MIGA2: variants seen among roughly 807,000 people sequenced by gnomAD.
MIGA2 encodes the protein family with sequence similarity 73, member B.
A neutral mutation model predicts 69.9 loss-of-function variants in MIGA2; 36 were observed. The ratio of observed to expected loss-of-function variants is 0.52; its 90% CI spans 0.39 to 0.68. The LOEUF (loss-of-function observed/expected upper bound fraction) is 0.68, where lower values mean the gene tolerates loss of function less well. Ranked by LOEUF, MIGA2 falls within the 30% of genes least tolerant of loss-of-function variation. The pLI is 0.00. For synonymous variants in MIGA2, 333 were observed against 349.2 expected (o/e 0.95, Z 0.52); for missense variants, 660 against 787.7 (o/e 0.84, Z 1.94).
chr9:129,069,545 T>G lies in MIGA2; in HGVS notation c.1459-304T>G. 1 of 520,096 alleles carries G rather than the reference T, an allele frequency of 1.9e-6. No individual in the cohort carries two copies. The highest frequency in any genetic ancestry group is 3.5e-6 in the Non-Finnish European group (1 of 286,328). The allele number at this position is 520,096 out of a possible 1,614,324, so 32.2% of individuals were successfully genotyped here. On this transcript the variant is annotated intron_variant, in intron 14 of 15. Transcript: ENST00000684074. This position sits in a 1 kb window ranked among gnomAD's most constrained non-coding sequence, Gnocchi z 4.9. ...GTGCTATCTGGCCTGTGGTTTGTCG[T>G]TCCCCTCTGCGGGCCAGGCTCTGTT...
At position 129,069,743 on chromosome 9, in the gene MIGA2, T is replaced by G; in HGVS notation, c.1459-106T>G. ...CAGGGTCATCTAGCAGGAAAGTACATGAGCTGGGGCGACCTCTAAAGCCCA... is the reference window on the plus strand; with the variant it reads ...CAGGGTCATCTAGCAGGAAAGTACAGGAGCTGGGGCGACCTCTAAAGCCCA... On this transcript the variant is annotated intron_variant, in intron 14 of 15. Transcript: ENST00000684074. The surrounding 1 kb of genome is among the most constrained non-coding windows in gnomAD (Gnocchi z 4.9). 1 of 806,274 alleles carries G rather than the reference T, an allele frequency of 1.2e-6. No homozygotes were observed. 49.9% of individuals were successfully genotyped at this position (806,274 alleles called of 1,614,324 possible).
chr9:129,070,138 A>T, intron 15 of MIGA2, 109 bp from the exon 16 acceptor site: 24 of 1,366,860 alleles, frequency 1.8e-5, no homozygotes, highest in Non-Finnish European at 2.5e-5. Context: ...CTGGGGATGG[A>T]AAGGACCGGC....
Position 129,040,560 on chromosome 9 carries a change from G to C in MIGA2, c.-35G>C, listed in dbSNP as rs778350989. 6.3e-7 allele frequency: 1 copy of C among 1,597,978 alleles called. No individual in the cohort carries two copies. The highest frequency in any genetic ancestry group is 1.1e-5 in the South Asian group (1 of 89,572). ...AAGACGTTCTCCTTGGAAGCTCTTGGCCCTGAGGACTTTGCCTGGGGCATT... is the reference window on the plus strand; with the variant it reads ...AAGACGTTCTCCTTGGAAGCTCTTGCCCCTGAGGACTTTGCCTGGGGCATT... On this transcript the variant is annotated 5_prime_UTR_variant, in exon 2 of 16. Coordinates refer to ENST00000684074, the MANE Select transcript of MIGA2 (RefSeq NM_001329990.2).
chr9:129,040,648 G>A lies in MIGA2; in HGVS notation c.54G>A (p.Thr18=), dbSNP rs746626918. ...GTSMIQALAM[T]VAEIPVFLYT... ...CTATGATCCAGGCCCTGGCCATGAC[G>A]GTGGCCGAGATCCCCGTGTTCCTGT... Residue 18 remains threonine, a synonymous_variant, in exon 2 of 16, where the codon ACG becomes ACA. Transcript: ENST00000684074. The A allele has an allele frequency of 1.0e-4, 166 of 1,613,786 alleles. No homozygotes were observed. The highest frequency in any genetic ancestry group is 2.1e-4 in the South Asian group (19 of 91,048).
rs763756142 is a variant in MIGA2, at chr9:129,042,465, G to A, written c.258G>A (p.Thr86=). The change falls in exon 3 of 16, where the codon ACG becomes ACA. Residue 86 remains threonine (T), a synonymous_variant. Coordinates refer to ENST00000684074, the MANE Select transcript of MIGA2 (RefSeq NM_001329990.2). ...AGATGGGAGGGGAGCAGCTGGGCAC[G>A]GTGCCCCTCCCTATCCTCTTGGCCA... ...GPEMGGEQLG[T]VPLPILLARK... is the part of the protein sequence containing the mutation. 6.0e-5 allele frequency: 96 copies of A among 1,604,722 alleles called. No homozygotes were observed. The highest frequency in any genetic ancestry group is 5.1e-4 in the Admixed American group (30 of 58,608).
intron 1 of MIGA2, 32 bp from the exon 2 acceptor site, chr9:129,040,420 T>G: frequency 7.4e-7 from 1 of 1,353,544 alleles, no homozygotes; most frequent in Non-Finnish European, 9.6e-7. Flanking sequence ...GTGTGCACGT[T>G]CTCTTATCTG....
intron 6 of MIGA2, among the ~76,000 whole-genome samples, chr9:129,056,095 G>A (rs886734380): frequency 6.9e-6 from 1 of 144,886 alleles, no homozygotes; most frequent in Non-Finnish European, 1.5e-5. Flanking sequence ...TCACTGCACT[G>A]TAGCATGGGC....
Position 129,063,555 on chromosome 9 carries a change from A to G in MIGA2, c.1094A>G (p.Glu365Gly). 6.2e-7 allele frequency: 1 copy of G among 1,613,598 alleles called. No individual in the cohort carries two copies. The highest frequency in any genetic ancestry group is 8.5e-7 in the Non-Finnish European group (1 of 1,179,764). Reference protein sequence around the residue: ...CVRQAFEGLLEDKSNQLFFGK... With the variant: ...CVRQAFEGLLGDKSNQLFFGK... Reference sequence around the variant, plus strand: ...TTCCTCCTTCCCTAGGGGCTTCTGGAAGACAAGAGTAACCAGCTTTTCTTC... The same window carrying G: ...TTCCTCCTTCCCTAGGGGCTTCTGGGAGACAAGAGTAACCAGCTTTTCTTC... The change falls in exon 11 of 16, where the codon GAA becomes GGA. Residue 365 changes from glutamate to glycine, a missense_variant. Transcript: ENST00000684074.
intron 6 of MIGA2, among the ~76,000 whole-genome samples, chr9:129,058,442 CTA>C (rs1200583561): frequency 6.8e-6 from 1 of 147,288 alleles, no homozygotes; most frequent in Non-Finnish European, 1.5e-5. Flanking sequence ...AGATTTTCAA[CTA>C]TGTGGGCACA....
chr9:129,049,510 A>G lies in MIGA2; in HGVS notation c.538+12A>G, dbSNP rs1461799889. ...CCTGTACATGCAAGGTGTGGCCAGG[A>G]GGTGCCTCAGCTTCGAGGGCAGGGT... On this transcript the variant is annotated intron_variant, in intron 5 of 15. Coordinates refer to ENST00000684074, the MANE Select transcript of MIGA2 (RefSeq NM_001329990.2). 6.2e-7 allele frequency: 1 copy of G among 1,611,014 alleles called. No homozygotes were observed. The highest frequency in any genetic ancestry group is 2.2e-5 in the East Asian group (1 of 44,858).
At chr9:129,046,324 A>C (rs539867650) in intron 3 of MIGA2, among the ~76,000 whole-genome samples, 1 of 151,864 alleles carries the variant, frequency 6.6e-6, no homozygotes, top group Admixed American at 6.6e-5. Flanking sequence ...TCCCTTCCCT[A>C]CTTTTCTCAC....
At chr9:129,044,687 G>T (rs1218216108) in intron 3 of MIGA2, among the ~76,000 whole-genome samples, 2 of 152,026 alleles carry the variant, frequency 1.3e-5, no homozygotes, top group African/African-American at 4.8e-5. Context: ...CGAGTAGCTG[G>T]AATTACAGGC....
intron 3 of MIGA2, among the ~76,000 whole-genome samples, chr9:129,044,199 A>G (rs182500337): frequency 1.3e-5 from 2 of 151,144 alleles, no homozygotes; most frequent in East Asian, 3.9e-4. Context: ...TCACCATGTT[A>G]GCCAGGCTGG....
intron 6 of MIGA2, among the ~76,000 whole-genome samples, chr9:129,054,665 T>C (rs1047520896): frequency 1.3e-5 from 2 of 152,218 alleles, no homozygotes; most frequent in Non-Finnish European, 2.9e-5. Context: ...GCTTCCAAGG[T>C]TCATCTGTGT....
At chr9:129,055,478 A>C (rs1845747620) in intron 6 of MIGA2, among the ~76,000 whole-genome samples, 1 of 152,080 alleles carries the variant, frequency 6.6e-6, no homozygotes, top group Non-Finnish European at 1.5e-5. Context: ...CAGTATCTCT[A>C]GGCTAAGTGG....
chr9:129,042,361 G>T lies in MIGA2; in HGVS notation c.154G>T (p.Ala52Ser). The T allele has an allele frequency of 6.2e-7, 1 of 1,613,532 alleles. No homozygotes were observed. The highest frequency in any genetic ancestry group is 8.5e-7 in the Non-Finnish European group (1 of 1,180,044). The part of the protein sequence containing the change: ...PGLRKVLFAT[A>S]LGTVALALAA... ...CCTGCGGAAAGTCCTCTTTGCCACGGCCCTGGGGACTGTGGCCCTGGCCCT... is the reference window on the plus strand; with the variant it reads ...CCTGCGGAAAGTCCTCTTTGCCACGTCCCTGGGGACTGTGGCCCTGGCCCT... Residue 52 changes from alanine to serine, a missense_variant, in exon 3 of 16, where the codon GCC becomes TCC. Physicochemically the swap from Ala to Ser is moderately conservative, Grantham distance 99 (BLOSUM62 1). Around this residue, in one of 3 missense-constraint regions of MIGA2, gnomAD observed 54 missense variants for 84.0 expected, o/e 0.64. Coordinates refer to ENST00000684074, the MANE Select transcript of MIGA2 (RefSeq NM_001329990.2).
At position 129,070,468 on chromosome 9, in the gene MIGA2, G is replaced by T. The variant is rs756016955; in HGVS notation, c.*15G>T. The T allele has an allele frequency of 4.6e-6, 7 of 1,524,260 alleles. No individual in the cohort carries two copies. In the South Asian group the frequency reaches 8.6e-5, roughly 19 times the overall value. The allele number at this position is 1,524,260 out of a possible 1,614,324, so 94.4% of individuals were successfully genotyped here. The stretch of plus-strand genomic sequence containing the variant: ...AGCTGCAGTAGAGGCGGCACGGGCT[G>T]GGGGGTGGCAGAGAGAAGGCTCCTC... On this transcript the variant is annotated 3_prime_UTR_variant, in exon 16 of 16. Coordinates refer to ENST00000684074, the MANE Select transcript of MIGA2 (RefSeq NM_001329990.2).
At position 129,040,638 on chromosome 9, in the gene MIGA2, T is replaced by C. The variant is rs1246117638; in HGVS notation, c.44T>C (p.Leu15Pro). Residue 15 changes from leucine to proline, a missense_variant, in exon 2 of 16, where the codon CTG becomes CCG. Around this residue, in one of 3 missense-constraint regions of MIGA2, gnomAD observed 54 missense variants for 84.0 expected, o/e 0.64. Transcript: ENST00000684074. ...GAGGGCACGTCTATGATCCAGGCCC[T>C]GGCCATGACGGTGGCCGAGATCCCC... ...RAEGTSMIQA[L>P]AMTVAEIPVF... The C allele has an allele frequency of 6.2e-7, 1 of 1,613,938 alleles. No homozygotes were observed.
In MIGA2 at chr9:129,060,418, C is replaced by T; in HGVS notation, c.794-132C>T. On this transcript the variant is annotated intron_variant, in intron 7 of 15. Transcript: ENST00000684074. The surrounding 1 kb of genome is among the most constrained non-coding windows in gnomAD (Gnocchi z 4.8). The stretch of plus-strand genomic sequence containing the variant: ...AAGCGCTTGGCACGTCAGAGCTTTG[C>T]CATTGAGTGTGGGAATCACAGGCTC... The T allele has an allele frequency of 1.4e-6, 1 of 716,400 alleles. No homozygotes were observed. The highest frequency in any genetic ancestry group is 2.3e-6 in the Non-Finnish European group (1 of 432,182). The allele number at this position is 716,400 out of a possible 1,614,324, so 44.4% of individuals were successfully genotyped here. A position where few individuals can be genotyped will look rare whatever the true frequency, so the allele number is the denominator to read the frequency against.
Sources: allele counts gnomAD v4.1 joint callset (sites outside exome capture counted in the v4.1 genomes callset), GRCh38; gene constraint gnomAD v4.1.1; regional missense constraint gnomAD v4.1.1; non-coding constraint Gnocchi (gnomAD v3.1); transcripts MANE v1.5; gene names NCBI Gene and HGNC (gene_info 2026-07-23, HGNC 2026-07-21).